ZNF536: variants seen among roughly 807,000 people sequenced by gnomAD.
ZNF536 encodes zinc finger protein 536.
Under a neutral mutation model 84.5 loss-of-function variants are expected in ZNF536, and 13 were observed. The ratio of observed to expected loss-of-function variants is 0.15; its 90% CI spans 0.10 to 0.24. The LOEUF is 0.24. Ranked by LOEUF, ZNF536 falls within the 10% of genes least tolerant of loss-of-function variation. ZNF536 has a pLI of 1.00. For synonymous variants in ZNF536, 811 were observed against 742.5 expected (o/e 1.09, Z -1.50); for missense variants, 1,536 against 1,747.5 (o/e 0.88, Z 2.16).
intron 1 of ZNF536, among the ~76,000 whole-genome samples, chr19:30,597,285 A>G (rs956635043): frequency 1.1e-4 from 16 of 152,272 alleles, no homozygotes; most frequent in African/African-American, 3.6e-4. Context: ...AGTTTACAAC[A>G]GGACACACAG....
intron 2 of ZNF536, among the ~76,000 whole-genome samples, chr19:30,327,030 G>C (rs1330980378): frequency 6.6e-6 from 1 of 152,002 alleles, no homozygotes; most frequent in East Asian, 1.9e-4. Flanking sequence ...GGGTGTTGTT[G>C]CTTCAGCCCA....
At chr19:30,401,129 T>A (rs187125970) in intron 1 of ZNF536, among the ~76,000 whole-genome samples, 1 of 152,332 alleles carries the variant, frequency 6.6e-6, no homozygotes, top group Non-Finnish European at 1.5e-5. Flanking sequence ...AAAACTCTCC[T>A]TCCTTCATGG....
intron 2 of ZNF536, among the ~76,000 whole-genome samples, chr19:30,474,813 TAA>T (rs1240890026): frequency 6.6e-6 from 1 of 152,114 alleles, no homozygotes; most frequent in Non-Finnish European, 1.5e-5. Context: ...AAGTAAATGA[TAA>T]AATTAAACTA....
intron 1 of ZNF536, among the ~76,000 whole-genome samples, chr19:30,433,998 C>G (rs1392395745): frequency 6.6e-6 from 1 of 152,158 alleles, no homozygotes; most frequent in Non-Finnish European, 1.5e-5. Context: ...TCTCAAAATC[C>G]CTTGAAGTGA....
At chr19:30,607,661 G>T (rs370202920) in intron 1 of ZNF536, among the ~76,000 whole-genome samples, 230 of 149,866 alleles carry the variant, frequency 1.5e-3, no homozygotes, top group Non-Finnish European at 2.7e-3. Context: ...GGCAGAGGCT[G>T]CAGTGAGCTG....
chr19:30,571,542 G>A lies in ZNF536; in HGVS notation c.169+22028G>A, dbSNP rs915847982. 2.6e-5 allele frequency among the ~76,000 whole-genome samples: 4 copies of A among 152,216 alleles called. No homozygotes were observed. In the South Asian group the frequency reaches 6.2e-4, roughly 24 times the overall value. ...GCTTTCATGCCATGGCAGCAAAGCA[G>A]AGAAAGTAACTTGGAAGACTCAGAG... On this transcript the variant is annotated intron_variant, in intron 1 of 1. Coordinates refer to the ZNF536 transcript ENST00000592773.
chr19:30,606,252 TA>T (rs1156875238), intron 1 of ZNF536, among the ~76,000 whole-genome samples: 14,600 of 57,722 alleles, frequency 0.25, 1,293 homozygotes, highest in East Asian at 0.36. Flanking sequence ...TAAAATAAAA[TA>T]AATAAAATAA....
At position 30,653,877 on chromosome 19, in the gene ZNF536, G is replaced by A. The variant is rs2049804110; in HGVS notation, c.170-56880G>A. Reference sequence around the variant, plus strand: ...GCACACACAGGGCATGTGCAATGGTGGAGGCTGCGTGCCCCCCTGCTGCTG... The same window carrying A: ...GCACACACAGGGCATGTGCAATGGTAGAGGCTGCGTGCCCCCCTGCTGCTG... On this transcript the variant is annotated intron_variant, in intron 1 of 1. Transcript: ENST00000592773. 3.3e-5 allele frequency among the ~76,000 whole-genome samples: 5 copies of A among 152,206 alleles called. No homozygotes were observed. The South Asian group carries it at 1.0e-3, about 32-fold the overall frequency.
chr19:30,378,395 A>T lies in ZNF536; in HGVS notation c.-3+5839A>T, dbSNP rs142793007. On this transcript the variant is annotated intron_variant, in intron 1 of 4. Coordinates refer to ENST00000355537, the MANE Select transcript of ZNF536 (RefSeq NM_014717.3). ...AGTCTGGTCTTCAACTCCTGACCTCAGGTGATCTGCCTGCCTTGGCCTCCC... is the reference window on the plus strand; with the variant it reads ...AGTCTGGTCTTCAACTCCTGACCTCTGGTGATCTGCCTGCCTTGGCCTCCC... Among the ~76,000 whole-genome samples the T allele has an allele frequency of 1.3e-3, 194 of 152,300 alleles. 1 individual carries two copies. Among genetic ancestry groups the T allele is most frequent in the South Asian group, 2.5e-3 (12 of 4,824 alleles).
intron 1 of ZNF536, among the ~76,000 whole-genome samples, chr19:30,568,771 G>A (rs1032565771): frequency 2.0e-5 from 3 of 152,210 alleles, no homozygotes; most frequent in African/African-American, 4.8e-5. Flanking sequence ...GTGGGACCCC[G>A]GTGATGGGGG....
chr19:30,270,932 A>T (rs1475630988), intron 1 of ZNF536, among the ~76,000 whole-genome samples: 1 of 151,986 alleles, frequency 6.6e-6, no homozygotes. Flanking sequence ...TTTTAGTGAC[A>T]TTGGATTTTT....
intron 2 of ZNF536, among the ~76,000 whole-genome samples, chr19:30,498,271 A>G (rs1348792703): frequency 6.6e-6 from 1 of 152,198 alleles, no homozygotes; most frequent in Admixed American, 6.5e-5. Context: ...AAAAGGAAGG[A>G]GATTATGTTC....
chr19:30,289,986 G>A (rs1485777021), intron 2 of ZNF536, among the ~76,000 whole-genome samples: 2 of 152,122 alleles, frequency 1.3e-5, no homozygotes, highest in African/African-American at 2.4e-5. Context: ...TCTCTAGAAC[G>A]TTTTGAAACG....
chr19:30,583,736 C>A (rs1383027979), intron 1 of ZNF536, among the ~76,000 whole-genome samples: 1 of 152,252 alleles, frequency 6.6e-6, no homozygotes, highest in African/African-American at 2.4e-5. Context: ...GTGACTAGCA[C>A]AGAGTAGGTC....
intron 1 of ZNF536, among the ~76,000 whole-genome samples, chr19:30,702,464 G>T (rs577338006): frequency 5.5e-4 from 83 of 152,232 alleles, no homozygotes; most frequent in African/African-American, 1.8e-3. Context: ...CGGGCAGTTG[G>T]GGGGGCCCCC....
chr19:30,264,413 G>T (rs992937334), intron 1 of ZNF536, among the ~76,000 whole-genome samples: 1 of 140,734 alleles, frequency 7.1e-6, no homozygotes, highest in Non-Finnish European at 1.5e-5. Flanking sequence ...GTGTGTGTGT[G>T]TGTGTGTATG....
intron 1 of ZNF536, among the ~76,000 whole-genome samples, chr19:30,569,783 G>T (rs1005653935): frequency 9.2e-5 from 14 of 151,784 alleles, no homozygotes; most frequent in Non-Finnish European, 2.1e-4. Context: ...TGTTGGCCAG[G>T]CTGGTCTCCA....
intron 1 of ZNF536, among the ~76,000 whole-genome samples, chr19:30,691,920 G>A (rs1303764744): frequency 6.6e-6 from 1 of 152,170 alleles, no homozygotes; most frequent in Non-Finnish European, 1.5e-5. Context: ...CCCGGGTGGT[G>A]ATGCCTAGCA....
chr19:30,251,254 G>A (rs1450900601), intron 1 of ZNF536, among the ~76,000 whole-genome samples: 4 of 152,138 alleles, frequency 2.6e-5, no homozygotes, highest in African/African-American at 7.2e-5. Flanking sequence ...AACCATTTCT[G>A]ATGCTATTTG....
Sources: allele counts gnomAD v4.1 joint callset (sites outside exome capture counted in the v4.1 genomes callset), GRCh38; gene constraint gnomAD v4.1.1; transcripts MANE v1.5; gene names NCBI Gene and HGNC (gene_info 2026-07-23, HGNC 2026-07-21).